Variants in KANSL1L observed in about 807,000 individuals in gnomAD.
KANSL1L encodes the protein KAT8 regulatory NSL complex subunit 1 like.
A neutral mutation model predicts 108.6 loss-of-function variants in KANSL1L; 25 were observed. The observed-to-expected ratio is 0.23, with a 90% CI of 0.17 to 0.32. KANSL1L has a LOEUF of 0.32. Among genes scored for constraint, KANSL1L ranks in the 10% least tolerant of loss-of-function variants. The pLI is 1.00. For synonymous variants in KANSL1L, 405 were observed against 395.1 expected (o/e 1.03, Z -0.30); for missense variants, 1,137 against 1,125.7 (o/e 1.01, Z -0.14).
chr2:210,099,108 C>T (rs1321202155), intron 4 of KANSL1L, among the ~76,000 whole-genome samples: 4 of 152,006 alleles, frequency 2.6e-5, no homozygotes, highest in Non-Finnish European at 5.9e-5. Flanking sequence ...CCAGAGCTAA[C>T]ATTTAGGTAT....
At chr2:210,080,114 C>T (rs1319656225) in intron 5 of KANSL1L, among the ~76,000 whole-genome samples, 3 of 148,214 alleles carry the variant, frequency 2.0e-5, no homozygotes, top group Non-Finnish European at 4.5e-5. Context: ...GTCATACCTG[C>T]CCTGCCACCC....
At position 210,079,692 on chromosome 2, in the gene KANSL1L, GTA is replaced by G. The variant is rs1351789254; in HGVS notation, c.1551-3938_1551-3937del. The G allele has an allele frequency of 1.8e-3, 19 of 10,754 alleles. 1 individual carries two copies. The highest frequency in any genetic ancestry group is 4.9e-3 in the African/African-American group (15 of 3,054). 0.7% of individuals were successfully genotyped at this position (10,754 alleles called of 1,614,324 possible). On this transcript the variant is annotated intron_variant, in intron 5 of 14. Coordinates refer to ENST00000281772, the MANE Select transcript of KANSL1L (RefSeq NM_152519.4). ...TATGTGTGTATATATATATATATAT[GTA>G]TGTGTGTATATATATATATATATAT...
At chr2:210,058,280 T>G (rs2094378144) in intron 6 of KANSL1L, among the ~76,000 whole-genome samples, 1 of 152,154 alleles carries the variant, frequency 6.6e-6, no homozygotes, top group Non-Finnish European at 1.5e-5. Flanking sequence ...CTTATTAGGA[T>G]GAGGAAATTC....
At chr2:210,084,579 G>T (rs529029762) in intron 5 of KANSL1L, among the ~76,000 whole-genome samples, 2 of 151,850 alleles carry the variant, frequency 1.3e-5, no homozygotes, top group African/African-American at 2.4e-5. Context: ...AAGATGGCAA[G>T]AAAATATACT....
intron 5 of KANSL1L, among the ~76,000 whole-genome samples, chr2:210,084,645 C>G (rs968916471): frequency 6.6e-5 from 10 of 151,822 alleles, no homozygotes; most frequent in African/African-American, 2.4e-4. Context: ...GACACAGTCT[C>G]ACTTTGTCGC....
Position 210,075,637 on chromosome 2 carries a change from C to CTCA in KANSL1L, c.1667_1669dup (p.Met556dup). The CTCA allele has an allele frequency of 1.9e-6, 3 of 1,613,876 alleles. No individual in the cohort carries two copies. The East Asian group carries it at 6.7e-5, about 36-fold the overall frequency. On this transcript the variant is annotated inframe_insertion, in exon 6 of 15. Coordinates refer to ENST00000281772, the MANE Select transcript of KANSL1L (RefSeq NM_152519.4). ...AAGTGGCCTTGTTCGGGCTGATGTA[C>CTCA]TCATGAAAGTCAAGGATGAAGATTT...
At chr2:210,156,932 C>T (rs1376064883) in intron 1 of KANSL1L, among the ~76,000 whole-genome samples, 1 of 150,136 alleles carries the variant, frequency 6.7e-6, no homozygotes, top group African/African-American at 2.4e-5. Context: ...AAAATTTATA[C>T]ACTTTTATAT....
At chr2:210,052,952 G>A (rs887099611) in intron 6 of KANSL1L, among the ~76,000 whole-genome samples, 4 of 152,180 alleles carry the variant, frequency 2.6e-5, no homozygotes, top group African/African-American at 9.7e-5. Flanking sequence ...AATAAATTTT[G>A]CATACATCAG....
At chr2:210,170,076 T>G (rs1197946540) in intron 1 of KANSL1L, 1 of 152,256 alleles carries the variant, frequency 6.6e-6, no homozygotes, top group Non-Finnish European at 1.5e-5. Context: ...CCACTCACTG[T>G]TAAGCCTCTT....
chr2:210,164,088 C>T (rs1165213421), intron 1 of KANSL1L, among the ~76,000 whole-genome samples: 1 of 152,074 alleles, frequency 6.6e-6, no homozygotes, highest in Admixed American at 6.5e-5. Flanking sequence ...TACTACTAGA[C>T]ATATTTTTAA....
At chr2:210,161,050 G>A (rs1051341058) in intron 1 of KANSL1L, among the ~76,000 whole-genome samples, 25 of 149,344 alleles carry the variant, frequency 1.7e-4, no homozygotes, top group African/African-American at 2.7e-4. Context: ...GTGCAATGGC[G>A]TGATCTCGGC....
At position 210,075,581 on chromosome 2, in the gene KANSL1L, A is replaced by G. The variant is rs1284335831; in HGVS notation, c.1726T>C (p.Leu576=). 1.2e-6 allele frequency: 2 copies of G among 1,614,068 alleles called. No individual in the cohort carries two copies. The highest frequency in any genetic ancestry group is 3.3e-5 in the Admixed American group (2 of 60,006). ...GGAGTCCAATAAAAAGTAGGGCTCA[A>G]TCTGTACAGTTTTCGTTTGTGGAAA... ...QSFHKRKLYR[L]SPTFYWTPQT... is the part of the protein sequence containing the mutation. Residue 576 remains leucine, a synonymous_variant, in exon 6 of 15, where the codon TTG becomes CTG. Transcript: ENST00000281772.
intron 3 of KANSL1L, among the ~76,000 whole-genome samples, chr2:210,122,608 T>C (rs542564162): frequency 3.4e-4 from 52 of 152,268 alleles, no homozygotes; most frequent in African/African-American, 1.2e-3. Context: ...CTCCAGGACA[T>C]TGGACTGGGC....
chr2:210,110,708 A>C (rs1040107127), intron 3 of KANSL1L, among the ~76,000 whole-genome samples: 2 of 152,226 alleles, frequency 1.3e-5, no homozygotes, highest in Non-Finnish European at 2.9e-5. Flanking sequence ...AATTTCACAA[A>C]AATGGAAGAG....
chr2:210,026,863 C>T (rs763420473), intron 12 of KANSL1L, among the ~76,000 whole-genome samples: 6 of 152,090 alleles, frequency 3.9e-5, no homozygotes, highest in Admixed American at 2.6e-4. Flanking sequence ...CTCCGCCTCC[C>T]GGGTTCACGC....
chr2:210,121,202 T>G (rs1469269101), intron 3 of KANSL1L, among the ~76,000 whole-genome samples: 1 of 152,196 alleles, frequency 6.6e-6, no homozygotes, highest in Non-Finnish European at 1.5e-5. Flanking sequence ...ATGTGTACGT[T>G]TATTGCAGCA....
In KANSL1L at chr2:210,079,642, A is replaced by ATATATATATATATATATG. The variant is rs2094569581; in HGVS notation, c.1551-3887_1551-3886insCATATATATATATATATA. ...TATATATATATATATATATATATAT[A>ATATATATATATATATATG]TATATATATATATATATATATATGT... On this transcript the variant is annotated intron_variant, in intron 5 of 14. Transcript: ENST00000281772. Among the ~76,000 whole-genome samples, 8 of 6,484 alleles carry ATATATATATATATATATG rather than the reference A, an allele frequency of 1.2e-3. 1 individual carries two copies. The highest frequency in any genetic ancestry group is 1.7e-3 in the African/African-American group (8 of 4,630). The allele number at this position is 6,484 out of a possible 152,430, so 4.3% of individuals were successfully genotyped here. A position where few individuals can be genotyped will look rare whatever the true frequency, so the allele number is the denominator to read the frequency against.
intron 1 of KANSL1L, chr2:210,170,523 C>G: frequency 3.8e-6 from 1 of 265,830 alleles, no homozygotes; most frequent in Non-Finnish European, 5.8e-6. Context: ...CTGACTTTTT[C>G]CAGCAAGACC....
Position 210,104,150 on chromosome 2 carries a change from A to G in KANSL1L, c.1382T>C (p.Met461Thr), listed in dbSNP as rs1575536663. The change falls in exon 4 of 15, where the codon ATG (methionine) becomes ACG (threonine). Residue 461 changes from methionine to threonine, a missense_variant. Coordinates refer to ENST00000281772, the MANE Select transcript of KANSL1L (RefSeq NM_152519.4). Reference sequence around the variant, plus strand: ...AAGTAAAGTAGGGCTGCTTGGTGACATTTCAAAATCTTGTTCCGGTACAGG... The same window carrying G: ...AAGTAAAGTAGGGCTGCTTGGTGACGTTTCAAAATCTTGTTCCGGTACAGG... ...QDPVPEQDFE[M>T]SPSSPTLLLR... 1.9e-6 allele frequency: 3 copies of G among 1,614,036 alleles called. No homozygotes were observed. Among genetic ancestry groups the G allele is most frequent in the Admixed American group, 3.3e-5 (2 of 59,998 alleles).
Sources: allele counts gnomAD v4.1 joint callset (sites outside exome capture counted in the v4.1 genomes callset), GRCh38; gene constraint gnomAD v4.1.1; transcripts MANE v1.5; gene names NCBI Gene and HGNC (gene_info 2026-07-23, HGNC 2026-07-21).